NDUFB5: variants seen among roughly 807,000 people sequenced by gnomAD.
NDUFB5 encodes the protein NADH dehydrogenase [ubiquinone] 1 beta subcomplex subunit 5, mitochondrial.
NDUFB5 carries 19 observed loss-of-function variants against 19.4 expected under a neutral mutation model. The ratio of observed to expected loss-of-function variants is 0.98; its 90% CI spans 0.68 to 1.43. The LOEUF (loss-of-function observed/expected upper bound fraction) is 1.43. Ranked by LOEUF, NDUFB5 falls within the 40% of genes most tolerant of loss-of-function variation. The pLI, the probability that NDUFB5 is intolerant of heterozygous loss-of-function variation, is 0.00. For missense variants in NDUFB5, 233 were observed against 236.5 expected, an observed-to-expected ratio of 0.99 and a Z score of 0.10; for synonymous variants, 80 against 82.6, an observed-to-expected ratio of 0.97 and a Z score of 0.17.
chr3:179,614,456 G>A (rs1719325319), intron 1 of NDUFB5, among the ~76,000 whole-genome samples: 1 of 152,114 alleles, frequency 6.6e-6, no homozygotes. Context: ...TACAGATAAT[G>A]TGTCATGTGA....
At chr3:179,608,490 G>A (rs1719161008) in intron 1 of NDUFB5, among the ~76,000 whole-genome samples, 1 of 152,140 alleles carries the variant, frequency 6.6e-6, no homozygotes, top group African/African-American at 2.4e-5. Flanking sequence ...ACCGCGCCCT[G>A]CCAGAAGAGA....
At position 179,625,248 on chromosome 3, in the gene NDUFB5, A is replaced by G. The variant is rs770660984; in HGVS notation, c.*1208A>G. ...AGGATTTTCAAACCTGTAACAGCTT[A>G]TCAATGCATCTCATCTTAGAAGTAT... On this transcript the variant is annotated 3_prime_UTR_variant, in exon 6 of 6. Coordinates refer to ENST00000259037, the MANE Select transcript of NDUFB5 (RefSeq NM_002492.4). The G allele has an allele frequency of 1.3e-5, 2 of 152,222 alleles. No individual in the cohort carries two copies. The highest frequency in any genetic ancestry group is 2.4e-5 in the African/African-American group (1 of 41,456). The allele number at this position is 152,222 out of a possible 1,614,324, so 9.4% of individuals were successfully genotyped here. A position where few individuals can be genotyped will look rare whatever the true frequency, so the allele number is the denominator to read the frequency against.
chr3:179,612,061 C>T (rs180692157), intron 1 of NDUFB5, among the ~76,000 whole-genome samples: 67 of 151,052 alleles, frequency 4.4e-4, no homozygotes, highest in Non-Finnish European at 8.0e-4. Flanking sequence ...GTGATCCTCC[C>T]GCCTCAGCCT....
chr3:179,604,882 C>T lies in NDUFB5; in HGVS notation c.67C>T (p.Leu23Phe), dbSNP rs372766887. The change falls in exon 1 of 6, where the codon CTT (leucine) becomes TTT (phenylalanine). Residue 23 changes from leucine (L) to phenylalanine (F), a missense_variant. Leu to Phe is a conservative substitution (Grantham distance 22). Transcript: ENST00000259037. Reference protein sequence around the residue: ...TAVAALSGRPLGTRLGFGGFL... With the variant: ...TAVAALSGRPFGTRLGFGGFL... ...GGTGGCAGCTCTGTCTGGCCGGCCCCTTGGCACTCGCCTCGGATTTGGGGG... is the reference window on the plus strand; with the variant it reads ...GGTGGCAGCTCTGTCTGGCCGGCCCTTTGGCACTCGCCTCGGATTTGGGGG... 19 of 1,596,956 alleles carry T rather than the reference C, an allele frequency of 1.2e-5. No individual in the cohort carries two copies. The highest frequency in any genetic ancestry group is 1.4e-5 in the Non-Finnish European group (17 of 1,175,476).
rs1404573386 is a variant in NDUFB5, at chr3:179,627,411, A to G, written c.*3371A>G. On this transcript the variant is annotated 3_prime_UTR_variant, in exon 6 of 6. Coordinates refer to ENST00000259037, the MANE Select transcript of NDUFB5 (RefSeq NM_002492.4). ...GCAGCTGCAAGGTCACTAGACAGAT[A>G]AACTCAAGTCGCAAAACATGTTTTT... 6.6e-6 allele frequency: 1 copy of G among 152,232 alleles called. No individual in the cohort carries two copies. The highest frequency in any genetic ancestry group is 1.5e-5 in the Non-Finnish European group (1 of 68,052). 9.4% of individuals were successfully genotyped at this position (152,232 alleles called of 1,614,324 possible).
rs1719622459 is a variant in NDUFB5 at position 179,624,572 on chromosome 3, T to TACACACACACGCACACACACAC, written c.*542_*543insGCACACACACACACACACACAC. ...AACTACACACAGACACACAGACACG[T>TACACACACACGCACACACACAC]ACACACACACACACACACACACACA... On this transcript the variant is annotated 3_prime_UTR_variant, in exon 6 of 6. Coordinates refer to ENST00000259037, the MANE Select transcript of NDUFB5 (RefSeq NM_002492.4). The TACACACACACGCACACACACAC allele has an allele frequency of 7.8e-6, 1 of 128,390 alleles. No individual in the cohort carries two copies. The allele number at this position is 128,390 out of a possible 1,614,324, so 8.0% of individuals were successfully genotyped here. A position where few individuals can be genotyped will look rare whatever the true frequency, so the allele number is the denominator to read the frequency against.
intron 1 of NDUFB5, 98 bp from the exon 2 acceptor site, chr3:179,614,873 A>C: frequency 1.1e-6 from 1 of 869,916 alleles, no homozygotes; most frequent in Non-Finnish European, 1.7e-6. Flanking sequence ...TGAGCTACAA[A>C]AGGATCCTTG....
chr3:179,611,753 C>A (rs1172152190), intron 1 of NDUFB5, among the ~76,000 whole-genome samples: 2 of 152,076 alleles, frequency 1.3e-5, no homozygotes, highest in African/African-American at 2.4e-5. Flanking sequence ...TTATCTTATT[C>A]AATTCTTATA....
chr3:179,615,218 T>C (rs910536285), intron 2 of NDUFB5, 159 bp downstream of exon 2: 20 of 430,212 alleles, frequency 4.6e-5, no homozygotes, highest in Middle Eastern at 6.8e-4. Context: ...TGATTTGTTA[T>C]TGAATTTCTC....
At chr3:179,615,458 T>G (rs183314956) in intron 2 of NDUFB5, 213 of 318,446 alleles carry the variant, frequency 6.7e-4, no homozygotes, top group African/African-American at 3.7e-3. Flanking sequence ...CAGGAACATT[T>G]ATTTCAGAGA....
At chr3:179,611,643 G>C (rs891009051) in intron 1 of NDUFB5, among the ~76,000 whole-genome samples, 1 of 151,754 alleles carries the variant, frequency 6.6e-6, no homozygotes, top group Non-Finnish European at 1.5e-5. Context: ...CAGGTGATCC[G>C]CCCGCCTCAG....
intron 3 of NDUFB5, 101 bp downstream of exon 3, chr3:179,616,150 G>A: frequency 1.2e-6 from 1 of 850,426 alleles, no homozygotes; most frequent in Non-Finnish European, 1.9e-6. Context: ...GTAATGAAAA[G>A]CTCTTTAAAT....
intron 1 of NDUFB5, among the ~76,000 whole-genome samples, chr3:179,611,239 A>T (rs1259791460): frequency 6.6e-6 from 1 of 152,220 alleles, no homozygotes; most frequent in African/African-American, 2.4e-5. Flanking sequence ...AGTAAAGTAA[A>T]GAAGGCATGG....
chr3:179,607,278 A>C (rs1322348033), intron 1 of NDUFB5, among the ~76,000 whole-genome samples: 1 of 152,182 alleles, frequency 6.6e-6, no homozygotes, highest in African/African-American at 2.4e-5. Context: ...TTAATCTCTT[A>C]CATGGTTGTT....
chr3:179,607,608 AC>A (rs1719137372), intron 1 of NDUFB5: 1 of 540,376 alleles, frequency 1.9e-6, no homozygotes, highest in Non-Finnish European at 3.2e-6. Flanking sequence ...TACTATTTTA[AC>A]CATTTTTAAG....
chr3:179,620,189 C>A (rs1420165788), intron 5 of NDUFB5, among the ~76,000 whole-genome samples: 1 of 152,062 alleles, frequency 6.6e-6, no homozygotes, highest in Non-Finnish European at 1.5e-5. Context: ...CTGTGCAGAG[C>A]TCTTTAGTTT....
At chr3:179,607,949 T>C (rs1367796575) in intron 1 of NDUFB5, 4 of 612,294 alleles carry the variant, frequency 6.5e-6, no homozygotes, top group South Asian at 5.9e-5. Flanking sequence ...TTTACCCCAT[T>C]TTGCTTATCC....
rs1386981482 is a variant in NDUFB5 at position 179,625,483 on chromosome 3, A to G, written c.*1443A>G. 2 of 152,196 alleles carry G rather than the reference A, an allele frequency of 1.3e-5. No individual in the cohort carries two copies. The highest frequency in any genetic ancestry group is 2.9e-5 in the Non-Finnish European group (2 of 68,030). The allele number at this position is 152,196 out of a possible 1,614,324, so 9.4% of individuals were successfully genotyped here. On this transcript the variant is annotated 3_prime_UTR_variant, in exon 6 of 6. Coordinates refer to ENST00000259037, the MANE Select transcript of NDUFB5 (RefSeq NM_002492.4). ...TGTGCTATTTTGATACATGTATGCA[A>G]AGTATAATGGTCAAATCAGGGTATT...
chr3:179,623,632 C>T (rs1719590779), intron 5 of NDUFB5, among the ~76,000 whole-genome samples: 1 of 152,086 alleles, frequency 6.6e-6, no homozygotes, highest in Admixed American at 6.6e-5. Flanking sequence ...TGAGACTGCG[C>T]CATAGCACTC....
Sources: allele counts gnomAD v4.1 joint callset (sites outside exome capture counted in the v4.1 genomes callset), GRCh38; gene constraint gnomAD v4.1.1; transcripts MANE v1.5; gene names NCBI Gene and HGNC (gene_info 2026-07-23, HGNC 2026-07-21).